Variants in RERE observed in about 807,000 individuals in gnomAD.
RERE encodes the protein arginine-glutamic acid dipeptide repeats, also known as arginine-glutamic acid dipeptide repeats protein.
Under a neutral mutation model 146.1 loss-of-function variants are expected in RERE, and 40 were observed. The observed-to-expected ratio is 0.27, with a 90% CI of 0.21 to 0.36. RERE has a LOEUF of 0.36. Among genes scored for constraint, RERE ranks in the 10% least tolerant of loss-of-function variants. The probability of loss-of-function intolerance (pLI) is 1.00; values close to 1 mark genes in which losing one functional copy is unlikely to be tolerated. For missense variants in RERE, 1,933 were observed against 2,138.7 expected, an observed-to-expected ratio of 0.90 and a Z score of 1.90; for synonymous variants, 1,003 against 866.0, an observed-to-expected ratio of 1.16 and a Z score of -2.78.
intron 1 of RERE, chr1:8,750,853 G>A: frequency 1.2e-6 from 1 of 823,858 alleles, no homozygotes; most frequent in Non-Finnish European, 2.1e-6. Flanking sequence ...ATATTACATG[G>A]GGGAACCCAA....
intron 12 of RERE, among the ~76,000 whole-genome samples, chr1:8,416,904 A>C (rs1643791241): frequency 6.6e-6 from 1 of 152,216 alleles, no homozygotes; most frequent in Admixed American, 6.5e-5. Context: ...ACAGGGCCTG[A>C]GAATCTTCCA....
At position 8,358,749 on chromosome 1, in the gene RERE, G is replaced by C. The variant is rs1020816578; in HGVS notation, c.3786C>G (p.Pro1262=). The C allele has an allele frequency of 6.2e-7, 1 of 1,610,532 alleles. No homozygotes were observed. Among genetic ancestry groups the C allele is most frequent in the East Asian group, 2.2e-5 (1 of 44,820 alleles). ...TGCGGTTGGTGGGCGACATGACGTG[G>C]GGCCGGGCGTACTCGCTCAGAGTCC... ...ALRTLSEYAR[P]HVMSPTNRNH... Residue 1262 remains proline (P), a synonymous_variant, in exon 20 of 23, where the codon CCC becomes CCG. Transcript: ENST00000400908.
chr1:8,411,934 C>A (rs1298309687), intron 12 of RERE, among the ~76,000 whole-genome samples: 2 of 152,074 alleles, frequency 1.3e-5, no homozygotes, highest in Non-Finnish European at 2.9e-5. Flanking sequence ...CAGATTCTCG[C>A]CAAATGAAAA....
intron 1 of RERE, among the ~76,000 whole-genome samples, chr1:8,733,214 G>C (rs546443507): frequency 2.0e-5 from 3 of 151,938 alleles, no homozygotes; most frequent in Admixed American, 2.0e-4. Flanking sequence ...GTCACTCCTC[G>C]ATCCTAATTC....
rs190245758 is a variant in RERE, at chr1:8,731,963, C to T, written c.-144-75522G>A. 8.1e-3 allele frequency among the ~76,000 whole-genome samples: 1,238 copies of T among 152,218 alleles called. 4 individuals are homozygous for T. The highest frequency in any genetic ancestry group is 0.011 in the Non-Finnish European group (775 of 68,016). On this transcript the variant is annotated intron_variant, in intron 1 of 22. Transcript: ENST00000400908. ...GACTACAGGCACACACTGCCACGCC[C>T]GGCTAATTTTTTTGTATTTTTAGTA...
intron 6 of RERE, among the ~76,000 whole-genome samples, chr1:8,544,972 C>T (rs2124398606): frequency 6.6e-6 from 1 of 152,254 alleles, no homozygotes; most frequent in African/African-American, 2.4e-5. Context: ...CAGTGTTTAC[C>T]TTTAAAAATG....
chr1:8,465,948 T>C lies in RERE; in HGVS notation c.1180A>G (p.Lys394Glu). The C allele has an allele frequency of 6.2e-7, 1 of 1,614,168 alleles. No individual in the cohort carries two copies. The highest frequency in any genetic ancestry group is 8.5e-7 in the Non-Finnish European group (1 of 1,180,018). ...VKKPVPKLIE[K>E]CWTEDEVKRF... Reference sequence around the variant, plus strand: ...ACCACTTCGTCCTCGGTCCAGCACTTCTCGATGAGCTTGGGCACAGGCTTC... The same window carrying C: ...ACCACTTCGTCCTCGGTCCAGCACTCCTCGATGAGCTTGGGCACAGGCTTC... Residue 394 changes from lysine (K) to glutamate (E), a missense_variant, in exon 11 of 23, where the codon AAG becomes GAG. Around this residue, in one of 11 missense-constraint regions of RERE, gnomAD observed 260 missense variants for 378.4 expected, o/e 0.69. Transcript: ENST00000400908.
intron 2 of RERE, among the ~76,000 whole-genome samples, chr1:8,644,903 A>G (rs1354554913): frequency 6.6e-6 from 1 of 152,242 alleles, no homozygotes; most frequent in Non-Finnish European, 1.5e-5. Flanking sequence ...CGAAGAAATC[A>G]GTCTATCTCT....
intron 1 of RERE, among the ~76,000 whole-genome samples, chr1:8,759,877 A>ACAC (rs36011289): frequency 1.3e-5 from 2 of 150,340 alleles, no homozygotes; most frequent in African/African-American, 4.9e-5. Flanking sequence ...ACACACACAC[A>ACAC]ATATGTCTTG....
At chr1:8,446,260 G>A (rs1028342599) in intron 11 of RERE, among the ~76,000 whole-genome samples, 1 of 152,154 alleles carries the variant, frequency 6.6e-6, no homozygotes, top group Non-Finnish European at 1.5e-5. Context: ...CCCTTTGTGG[G>A]TAACCCGACC....
rs115851367 is a variant in RERE, at chr1:8,626,436, C to T, written c.326-2056G>A. On this transcript the variant is annotated intron_variant, in intron 2 of 22. Transcript: ENST00000400908. ...AGCTACTGACAGAGCAGGAGCATCACCATCTTGGACAAGCACCACCATTTT... is the reference window on the plus strand; with the variant it reads ...AGCTACTGACAGAGCAGGAGCATCATCATCTTGGACAAGCACCACCATTTT... Among the ~76,000 whole-genome samples, 1,217 of 152,284 alleles carry T rather than the reference C, an allele frequency of 8.0e-3. 13 individuals are homozygous for T. Among genetic ancestry groups the T allele is most frequent in the African/African-American group, 0.028 (1,163 of 41,552 alleles).
At chr1:8,541,773 TTCTG>T (rs1245351943) in intron 6 of RERE, among the ~76,000 whole-genome samples, 9 of 152,190 alleles carry the variant, frequency 5.9e-5, no homozygotes, top group African/African-American at 2.2e-4. Context: ...GGAATACAGC[TTCTG>T]GCCAATAAAC....
At chr1:8,701,187 C>T (rs1249860750) in intron 1 of RERE, among the ~76,000 whole-genome samples, 1 of 151,958 alleles carries the variant, frequency 6.6e-6, no homozygotes, top group Non-Finnish European at 1.5e-5. Context: ...CTTACTGATA[C>T]GTTGATGGGG....
intron 11 of RERE, among the ~76,000 whole-genome samples, chr1:8,433,577 G>A (rs1452369686): frequency 7.4e-6 from 1 of 134,878 alleles, no homozygotes; most frequent in East Asian, 2.1e-4. Flanking sequence ...TTTTTGAGAC[G>A]GAGTCTCGCT....
intron 2 of RERE, among the ~76,000 whole-genome samples, chr1:8,632,036 A>C (rs74050246): frequency 0.026 from 3,929 of 152,234 alleles, 154 homozygotes; most frequent in African/African-American, 0.089. Flanking sequence ...CCCCTCCCCC[A>C]AAAAAACTAT....
intron 8 of RERE, among the ~76,000 whole-genome samples, chr1:8,499,889 G>A (rs1260932624): frequency 6.6e-6 from 1 of 152,256 alleles, no homozygotes; most frequent in East Asian, 1.9e-4. Flanking sequence ...AGAGGCCGAG[G>A]CGGGCAGATC....
chr1:8,651,367 G>A (rs1382163930), intron 2 of RERE, among the ~76,000 whole-genome samples: 3 of 151,904 alleles, frequency 2.0e-5, no homozygotes, highest in East Asian at 1.9e-4. Flanking sequence ...CTATGATCAC[G>A]CCACTACCCT....
intron 1 of RERE, chr1:8,750,803 A>G: frequency 2.5e-6 from 2 of 815,476 alleles, no homozygotes; most frequent in South Asian, 2.6e-5. Flanking sequence ...TGTGAAGCTC[A>G]ACAAGGCTTC....
chr1:8,387,272 C>T (rs1642709665), intron 12 of RERE, among the ~76,000 whole-genome samples: 1 of 152,228 alleles, frequency 6.6e-6, no homozygotes, highest in African/African-American at 2.4e-5. Context: ...TGATGTATTA[C>T]AGAAACAAGT....
Sources: gnomAD v4.1 joint callset for allele counts (sites outside exome capture counted in the v4.1 genomes callset) on GRCh38, gnomAD v4.1.1 for gene constraint, gnomAD v4.1.1 regional missense constraint, MANE v1.5 for transcripts, NCBI Gene and HGNC (gene_info 2026-07-23, HGNC 2026-07-21) for gene names.